Variants in DACH2 observed in about 807,000 individuals in gnomAD.
The protein encoded by DACH2 is dachshund homolog 2.
In DACH2, 17 loss-of-function variants were observed where a neutral mutation model predicts 35.8. That is an observed-to-expected ratio of 0.48 (90% CI 0.33 to 0.71). DACH2 has a LOEUF of 0.71. DACH2 is among the 30% of genes least tolerant of loss of function. DACH2 has a pLI of 0.02. For synonymous variants in DACH2, 195 were observed against 177.3 expected (o/e 1.10, Z -0.79); for missense variants, 469 against 472.7 (o/e 0.99, Z 0.07).
At chrX:86,405,994 C>T (rs1234004324) in intron 2 of DACH2, among the ~76,000 whole-genome samples, 1 of 111,217 alleles carries the variant, frequency 9.0e-6, no homozygotes, top group African/African-American at 3.3e-5. Flanking sequence ...CACTTACTAT[C>T]ATGAGAAGAG....
intron 2 of DACH2, among the ~76,000 whole-genome samples, chrX:86,507,858 G>C (rs2038347110): frequency 9.0e-6 from 1 of 111,468 alleles, no homozygotes; most frequent in African/African-American, 3.3e-5. Flanking sequence ...AAATAACTAG[G>C]GCATGAAGGG....
intron 1 of DACH2, among the ~76,000 whole-genome samples, chrX:86,293,946 A>G (rs1288478095): frequency 9.0e-6 from 1 of 110,693 alleles, no homozygotes; most frequent in African/African-American, 3.3e-5. Flanking sequence ...CATTCTCTGT[A>G]TTTCCTGAAT....
chrX:86,817,899 T>TTTTAATAAG (rs2042469045), intron 11 of DACH2, among the ~76,000 whole-genome samples: 2 of 112,222 alleles, frequency 1.8e-5, no homozygotes, highest in East Asian at 5.6e-4. Flanking sequence ...TTGTGCATAC[T>TTTTAATAAG]TTTAATAAGT....
At chrX:86,154,733 A>G (rs1444178190) in intron 1 of DACH2, among the ~76,000 whole-genome samples, 1 of 111,550 alleles carries the variant, frequency 9.0e-6, no homozygotes, top group Non-Finnish European at 1.9e-5. Context: ...ATCACTTCAG[A>G]TGGATTCTCT....
At chrX:86,150,671 C>G (rs926942653) in intron 1 of DACH2, among the ~76,000 whole-genome samples, 5 of 111,646 alleles carry the variant, frequency 4.5e-5, no homozygotes, top group African/African-American at 1.3e-4. Context: ...CCTGAAAACA[C>G]AAAGGATAAC....
At chrX:86,362,633 T>C (rs2035754218) in intron 1 of DACH2, among the ~76,000 whole-genome samples, 1 of 111,227 alleles carries the variant, frequency 9.0e-6, no homozygotes, top group South Asian at 3.7e-4. Context: ...CCACACATTA[T>C]AATAATTTTC....
At chrX:86,554,219 A>G (rs781553092) in intron 3 of DACH2, among the ~76,000 whole-genome samples, 55 of 111,582 alleles carry the variant, frequency 4.9e-4, no homozygotes, top group African/African-American at 1.7e-3. Context: ...GAATGGTGTA[A>G]TAATATCACC....
chrX:86,636,387 G>T (rs1388364378), intron 3 of DACH2, among the ~76,000 whole-genome samples: 2 of 107,509 alleles, frequency 1.9e-5, no homozygotes, highest in African/African-American at 3.4e-5. Flanking sequence ...GGCAGAGGTT[G>T]CAGTGAGCTG....
chrX:86,639,943 G>T (rs1254317614), intron 3 of DACH2, among the ~76,000 whole-genome samples: 2 of 111,301 alleles, frequency 1.8e-5, no homozygotes, highest in African/African-American at 6.5e-5. Flanking sequence ...GGTGCTTTTG[G>T]AACAGCAACA....
intron 3 of DACH2, among the ~76,000 whole-genome samples, chrX:86,551,573 C>T (rs2039049646): frequency 1.8e-5 from 2 of 112,123 alleles, no homozygotes; most frequent in Admixed American, 1.9e-4. Context: ...CATTTTGCAT[C>T]TAACTATGTT....
intron 2 of DACH2, among the ~76,000 whole-genome samples, chrX:86,442,170 A>T: frequency 9.1e-6 from 1 of 109,697 alleles, no homozygotes; most frequent in East Asian, 2.9e-4. Flanking sequence ...ACCCAGCCTT[A>T]TTTTTTGTCT....
chrX:86,578,140 G>A (rs2039457996), intron 3 of DACH2, among the ~76,000 whole-genome samples: 1 of 110,543 alleles, frequency 9.0e-6, no homozygotes, highest in African/African-American at 3.3e-5. Flanking sequence ...AGTCTTGCAG[G>A]ACTGAGCCCT....
intron 4 of DACH2, among the ~76,000 whole-genome samples, chrX:86,677,270 G>A (rs1433165514): frequency 8.9e-6 from 1 of 111,763 alleles, no homozygotes; most frequent in Non-Finnish European, 1.9e-5. Context: ...GAAAATACTG[G>A]TTTTGCCAAT....
At chrX:86,286,564 G>A (rs983872585) in intron 1 of DACH2, among the ~76,000 whole-genome samples, 1 of 111,060 alleles carries the variant, frequency 9.0e-6, no homozygotes, top group African/African-American at 3.3e-5. Flanking sequence ...TTTTAGAGAA[G>A]GTGGTTTCCT....
chrX:86,539,448 T>C (rs1035137429), intron 3 of DACH2, among the ~76,000 whole-genome samples: 5 of 111,885 alleles, frequency 4.5e-5, no homozygotes, highest in Middle Eastern at 9.3e-3. Flanking sequence ...AGGTCTTAAT[T>C]GCAGATGTGT....
At chrX:86,198,749 G>A (rs1329709455) in intron 1 of DACH2, among the ~76,000 whole-genome samples, 1 of 110,873 alleles carries the variant, frequency 9.0e-6, no homozygotes, top group Non-Finnish European at 1.9e-5. Flanking sequence ...CCAATAATGA[G>A]CTCTGAAATT....
At chrX:86,155,966 G>A (rs2030532124) in intron 1 of DACH2, among the ~76,000 whole-genome samples, 1 of 110,590 alleles carries the variant, frequency 9.0e-6, no homozygotes, top group Non-Finnish European at 1.9e-5. Flanking sequence ...AATAAATTAT[G>A]GAAAATAGTT....
At chrX:86,551,779 T>C (rs971412562) in intron 3 of DACH2, among the ~76,000 whole-genome samples, 9 of 111,795 alleles carry the variant, frequency 8.1e-5, no homozygotes, top group Non-Finnish European at 1.7e-4. Context: ...CATTTCTCAA[T>C]CTTGTAAAAA....
Position 86,191,897 on chromosome X carries a change from C to T in DACH2, c.488+42789C>T, listed in dbSNP as rs143072828. ...CGGAGGTTTCAGTGAGCCGAGATTG[C>T]GCCACTGCACTCCAGATTGGGTGAC... On this transcript the variant is annotated intron_variant, in intron 1 of 11. Transcript: ENST00000373125. 8.7e-3 allele frequency among the ~76,000 whole-genome samples: 967 copies of T among 111,614 alleles called. 4 individuals are homozygous for T. The highest frequency in any genetic ancestry group is 0.013 in the Non-Finnish European group (682 of 53,143).
Sources: allele counts gnomAD v4.1 joint callset (sites outside exome capture counted in the v4.1 genomes callset), GRCh38; gene constraint gnomAD v4.1.1; transcripts MANE v1.5; gene names NCBI Gene and HGNC (gene_info 2026-07-23, HGNC 2026-07-21).